Variants in MAPKAP1 observed in about 807,000 individuals in gnomAD.
The protein encoded by MAPKAP1 is MAPK associated protein 1.
In MAPKAP1, 20 loss-of-function variants were observed where a neutral mutation model predicts 65.7. The ratio of observed to expected loss-of-function variants is 0.30; its 90% CI spans 0.21 to 0.44. The LOEUF (loss-of-function observed/expected upper bound fraction) is 0.44, where lower values mean the gene tolerates loss of function less well. MAPKAP1 is among the 20% of genes least tolerant of loss of function. The probability of loss-of-function intolerance (pLI) is 1.00; values close to 1 mark genes in which losing one functional copy is unlikely to be tolerated. For missense variants in MAPKAP1, 423 were observed against 648.0 expected (o/e 0.65, Z 3.77); for synonymous variants, 222 against 244.3 (o/e 0.91, Z 0.85).
chr9:125,588,777 C>A (rs964249442), intron 4 of MAPKAP1, among the ~76,000 whole-genome samples: 2 of 152,166 alleles, frequency 1.3e-5, no homozygotes, highest in Non-Finnish European at 2.9e-5. Flanking sequence ...CGATGAGTGG[C>A]TCCCAAACAC....
chr9:125,614,002 G>A (rs1315383075), intron 4 of MAPKAP1, among the ~76,000 whole-genome samples: 4 of 152,032 alleles, frequency 2.6e-5, no homozygotes, highest in African/African-American at 9.7e-5. Flanking sequence ...GTTTCACCAT[G>A]TTAGCCAGGA....
chr9:125,523,185 G>C (rs1829668977), intron 7 of MAPKAP1, among the ~76,000 whole-genome samples: 1 of 152,122 alleles, frequency 6.6e-6, no homozygotes, highest in Non-Finnish European at 1.5e-5. Flanking sequence ...CTTGCTCCTG[G>C]CCCAATCCTG....
chr9:125,552,949 G>A (rs942420594), intron 6 of MAPKAP1, among the ~76,000 whole-genome samples: 1 of 152,044 alleles, frequency 6.6e-6, no homozygotes, highest in Non-Finnish European at 1.5e-5. Flanking sequence ...AGCATATAGA[G>A]ATGTATTATC....
At chr9:125,476,461 A>C (rs983532408) in intron 9 of MAPKAP1, among the ~76,000 whole-genome samples, 2 of 152,150 alleles carry the variant, frequency 1.3e-5, no homozygotes, top group Non-Finnish European at 2.9e-5. Context: ...CGGCAAAGTG[A>C]AATGGAAACA....
At chr9:125,481,393 C>T (rs1310441756) in intron 9 of MAPKAP1, among the ~76,000 whole-genome samples, 2 of 152,150 alleles carry the variant, frequency 1.3e-5, no homozygotes, top group East Asian at 1.9e-4. Context: ...CTTTGACCCT[C>T]TGTCTTGACC....
Position 125,529,031 on chromosome 9 carries a change from G to A in MAPKAP1, c.958+14028C>T, listed in dbSNP as rs142304004. On this transcript the variant is annotated intron_variant, in intron 7 of 11. Transcript: ENST00000265960. ...ACAACTAAAAATACAAAAATTAGCCGGGCGTGGTGGTGTGCACCTGTAATC... is the reference window on the plus strand; with the variant it reads ...ACAACTAAAAATACAAAAATTAGCCAGGCGTGGTGGTGTGCACCTGTAATC... Among the ~76,000 whole-genome samples the A allele has an allele frequency of 7.9e-3, 1,195 of 151,490 alleles. 7 individuals carry two copies. The highest frequency in any genetic ancestry group is 0.014 in the Middle Eastern group (4 of 288).
At chr9:125,681,934 A>AT in intron 1 of MAPKAP1, among the ~76,000 whole-genome samples, 1 of 152,024 alleles carries the variant, frequency 6.6e-6, no homozygotes, top group East Asian at 1.9e-4. Flanking sequence ...TAATTTTTAA[A>AT]TTTTTTTGTA....
rs755325162 is a variant in MAPKAP1, at chr9:125,585,746, C to A, written c.499-19G>T. On this transcript the variant is annotated intron_variant, in intron 4 of 11. Coordinates refer to ENST00000265960, the MANE Select transcript of MAPKAP1 (RefSeq NM_001006617.3). ...CATGACCCTGTGGACAGAACAAACA[C>A]GTGAGAGCAAAGCACACTGCCAGTT... The A allele has an allele frequency of 6.2e-7, 1 of 1,611,196 alleles. No individual in the cohort carries two copies. Among genetic ancestry groups the A allele is most frequent in the African/African-American group, 1.3e-5 (1 of 74,876 alleles).
chr9:125,657,528 T>C (rs1834065720), intron 4 of MAPKAP1, 123 bp downstream of exon 4: 1 of 887,860 alleles, frequency 1.1e-6, no homozygotes. Flanking sequence ...TAAGTGACAT[T>C]CTATAACTGT....
intron 4 of MAPKAP1, among the ~76,000 whole-genome samples, chr9:125,649,468 G>C (rs1272611900): frequency 2.6e-5 from 4 of 152,140 alleles, no homozygotes; most frequent in African/African-American, 9.7e-5. Flanking sequence ...TGAATGGCCT[G>C]GTGAGTCAGG....
chr9:125,700,399 T>G (rs1345095335), intron 1 of MAPKAP1, among the ~76,000 whole-genome samples: 1 of 152,240 alleles, frequency 6.6e-6, no homozygotes, highest in Non-Finnish European at 1.5e-5. Context: ...TTCATAAAAG[T>G]ATACTCACGT....
At chr9:125,499,592 A>G (rs1828909431) in intron 8 of MAPKAP1, among the ~76,000 whole-genome samples, 1 of 152,166 alleles carries the variant, frequency 6.6e-6, no homozygotes, top group South Asian at 2.1e-4. Flanking sequence ...CACATAACTG[A>G]ATTAAGACCA....
At position 125,448,081 on chromosome 9, in the gene MAPKAP1, T is replaced by C. The variant is rs545088104; in HGVS notation, c.1346-3483A>G. On this transcript the variant is annotated intron_variant, in intron 10 of 11. Coordinates refer to ENST00000265960, the MANE Select transcript of MAPKAP1 (RefSeq NM_001006617.3). ...GTGAAAGAAATGGGCAAACTGTGTT[T>C]TAGGGTGTTCTCCCTGGTTCCCTGG... Among the ~76,000 whole-genome samples the C allele has an allele frequency of 5.3e-5, 8 of 152,170 alleles. No homozygotes were observed. The South Asian group carries it at 1.7e-3, about 32-fold the overall frequency.
At chr9:125,594,765 A>G (rs1342538850) in intron 4 of MAPKAP1, among the ~76,000 whole-genome samples, 1 of 152,156 alleles carries the variant, frequency 6.6e-6, no homozygotes, top group Non-Finnish European at 1.5e-5. Context: ...TCCATTTTGT[A>G]TTCTCTTAGA....
At chr9:125,615,724 C>T (rs971485494) in intron 4 of MAPKAP1, among the ~76,000 whole-genome samples, 1 of 152,070 alleles carries the variant, frequency 6.6e-6, no homozygotes, top group East Asian at 1.9e-4. Context: ...ATCAGCCTGG[C>T]CAACATGGCG....
At chr9:125,459,912 T>C (rs570484991) in intron 10 of MAPKAP1, among the ~76,000 whole-genome samples, 1 of 151,390 alleles carries the variant, frequency 6.6e-6, no homozygotes, top group African/African-American at 2.4e-5. Flanking sequence ...CACACTTTGA[T>C]TTTAATGAAA....
intron 9 of MAPKAP1, among the ~76,000 whole-genome samples, chr9:125,473,491 A>C (rs375725570): frequency 1.3e-5 from 2 of 152,160 alleles, no homozygotes; most frequent in African/African-American, 4.8e-5. Flanking sequence ...GCTGTCCTAC[A>C]TCAACGCCAG....
chr9:125,528,794 C>T (rs1253716949), intron 7 of MAPKAP1, among the ~76,000 whole-genome samples: 1 of 132,796 alleles, frequency 7.5e-6, no homozygotes, highest in Non-Finnish European at 1.5e-5. Flanking sequence ...TTGCGGTGAG[C>T]TGAGATCATG....
Position 125,661,541 on chromosome 9 carries a change from A to G in MAPKAP1, c.350-3742T>C, listed in dbSNP as rs189598047. On this transcript the variant is annotated intron_variant, in intron 3 of 11. Transcript: ENST00000265960. ...AGAAAAATCCTCGGAATATATTACT[A>G]AATAAAAAAAGTATTGTACAAAACA... Among the ~76,000 whole-genome samples, 10 of 152,320 alleles carry G rather than the reference A, an allele frequency of 6.6e-5. No homozygotes were observed. The East Asian group carries it at 1.7e-3, about 26-fold the overall frequency.
Sources: allele counts gnomAD v4.1 joint callset (sites outside exome capture counted in the v4.1 genomes callset), GRCh38; gene constraint gnomAD v4.1.1; transcripts MANE v1.5; gene names NCBI Gene and HGNC (gene_info 2026-07-23, HGNC 2026-07-21).